CLNK: variants seen among roughly 807,000 people sequenced by gnomAD.
CLNK encodes cytokine dependent hematopoietic cell linker, also known as cytokine-dependent hematopoietic cell linker.
Under a neutral mutation model 68.6 loss-of-function variants are expected in CLNK, and 74 were observed. The observed-to-expected ratio is 1.08, with a 90% CI of 0.89 to 1.31. The LOEUF (loss-of-function observed/expected upper bound fraction) is 1.31, where lower values mean the gene tolerates loss of function less well. Among genes scored for constraint, CLNK ranks in the 50% most tolerant of loss-of-function variants. CLNK has a pLI of 0.00. For synonymous variants in CLNK, 198 were observed against 172.2 expected (o/e 1.15, Z -1.17); for missense variants, 553 against 515.3 (o/e 1.07, Z -0.71).
the CLNK span, among the ~76,000 whole-genome samples, chr4:10,713,338 G>A: frequency 1.4e-4 from 21 of 152,202 alleles, no homozygotes; most frequent in Non-Finnish European, 2.5e-4. Flanking sequence ...AAAAGGATGT[G>A]TGAGTGAGAC....
chr4:10,676,680 T>C (rs1432672959), intron 1 of CLNK, among the ~76,000 whole-genome samples: 2 of 152,152 alleles, frequency 1.3e-5, no homozygotes, highest in Non-Finnish European at 2.9e-5. Context: ...AGAAAGGGTT[T>C]CCTTCCTTTA....
the CLNK span, among the ~76,000 whole-genome samples, chr4:10,714,871 A>C: frequency 1.3e-5 from 2 of 152,166 alleles, no homozygotes; most frequent in Non-Finnish European, 2.9e-5. Context: ...TGGCTAAAGA[A>C]TGTTGAAAAA....
rs1723519792 is a variant in CLNK, at chr4:10,646,575, G to A, written c.11+21284C>T. On this transcript the variant is annotated intron_variant, in intron 2 of 18. Transcript: ENST00000226951. ...CAGTGAAACTGGCCTGTGAAAGACA[G>A]AAATGGAGAAGACAGAAGTGGGCCA... Among the ~76,000 whole-genome samples, 3 of 152,330 alleles carry A rather than the reference G, an allele frequency of 2.0e-5. No homozygotes were observed. In the South Asian group the frequency reaches 6.2e-4, roughly 32 times the overall value.
chr4:10,509,700 A>G (rs1234995976), intron 16 of CLNK, among the ~76,000 whole-genome samples: 1 of 151,928 alleles, frequency 6.6e-6, no homozygotes, highest in Non-Finnish European at 1.5e-5. Context: ...TAATTTTTGT[A>G]TTTTTAGTAG....
intron 16 of CLNK, among the ~76,000 whole-genome samples, chr4:10,512,912 AG>A (rs1322328805): frequency 2.6e-5 from 4 of 152,136 alleles, no homozygotes; most frequent in African/African-American, 9.7e-5. Context: ...AGCATATTTT[AG>A]AAAGAGACCA....
At chr4:10,554,105 A>C (rs1719570129) in intron 8 of CLNK, among the ~76,000 whole-genome samples, 1 of 152,216 alleles carries the variant, frequency 6.6e-6, no homozygotes, top group East Asian at 1.9e-4. Flanking sequence ...ATGCAGGTAT[A>C]GAGGCCGCTA....
chr4:10,573,546 A>G (rs936604307), intron 4 of CLNK, among the ~76,000 whole-genome samples: 1 of 152,170 alleles, frequency 6.6e-6, no homozygotes, highest in Non-Finnish European at 1.5e-5. Flanking sequence ...TCATGAATCG[A>G]GTTAAATTAA....
intron 2 of CLNK, among the ~76,000 whole-genome samples, chr4:10,649,044 G>T (rs1349901303): frequency 6.6e-6 from 1 of 152,150 alleles, no homozygotes; most frequent in African/African-American, 2.4e-5. Flanking sequence ...CTTAATTCAT[G>T]CTCGTTGAAG....
the CLNK span, among the ~76,000 whole-genome samples, chr4:10,715,460 T>C: frequency 1.3e-5 from 2 of 152,216 alleles, no homozygotes; most frequent in Non-Finnish European, 2.9e-5. Context: ...ATAATAGTCT[T>C]TGCCACAATG....
chr4:10,539,142 C>G (rs1181609454), intron 11 of CLNK, among the ~76,000 whole-genome samples: 1 of 152,188 alleles, frequency 6.6e-6, no homozygotes, highest in Non-Finnish European at 1.5e-5. Flanking sequence ...CTAATACAAA[C>G]ACAGACCATT....
chr4:10,651,935 G>T (rs1307369921), intron 2 of CLNK, among the ~76,000 whole-genome samples: 1 of 151,490 alleles, frequency 6.6e-6, no homozygotes, highest in Non-Finnish European at 1.5e-5. Flanking sequence ...GTAAAATGGA[G>T]TTAGAAAAAT....
At chr4:10,668,458 G>A (rs988899375) in intron 1 of CLNK, among the ~76,000 whole-genome samples, 2 of 152,148 alleles carry the variant, frequency 1.3e-5, no homozygotes, top group African/African-American at 4.8e-5. Flanking sequence ...TAAGGGCTTC[G>A]TATCAATGAT....
At chr4:10,507,436 T>TTTA (rs1717352800) in intron 17 of CLNK, among the ~76,000 whole-genome samples, 4 of 142,806 alleles carry the variant, frequency 2.8e-5, no homozygotes, top group East Asian at 4.2e-4. Context: ...TGTTTTCTGT[T>TTTA]TTTATTTATT....
chr4:10,728,579 CCTTTCTTTCTTTCTTT>C, the CLNK span, among the ~76,000 whole-genome samples: 1 of 104,154 alleles, frequency 9.6e-6, no homozygotes, highest in Admixed American at 1.1e-4. Context: ...TGTGATGTAT[CCTTTCTTTCTTTCTTT>C]CTTTCTTTCT....
chr4:10,535,494 A>T (rs1718723989), intron 11 of CLNK, among the ~76,000 whole-genome samples: 1 of 152,174 alleles, frequency 6.6e-6, no homozygotes, highest in African/African-American at 2.4e-5. Context: ...TACATATAAG[A>T]TCCCAAACCG....
At chr4:10,513,119 A>G (rs1001842256) in intron 16 of CLNK, among the ~76,000 whole-genome samples, 1 of 152,144 alleles carries the variant, frequency 6.6e-6, no homozygotes, top group Non-Finnish European at 1.5e-5. Context: ...AAAAAATTGC[A>G]ACCTGTATAT....
At chr4:10,564,935 G>A (rs1720045942) in intron 6 of CLNK, among the ~76,000 whole-genome samples, 158 bp from the exon 7 acceptor site, 1 of 152,180 alleles carries the variant, frequency 6.6e-6, no homozygotes, top group Non-Finnish European at 1.5e-5. Flanking sequence ...ACTGACGTAT[G>A]CAGAGAAGAA....
rs540411546 is a variant in CLNK at position 10,608,840 on chromosome 4, C to A, written c.12-10791G>T. ...TCATAGTTCTGTAGGCTGAAAAGTCCAAAATCAAGCTACCCTTAGAACTGG... is the reference window on the plus strand; with the variant it reads ...TCATAGTTCTGTAGGCTGAAAAGTCAAAAATCAAGCTACCCTTAGAACTGG... On this transcript the variant is annotated intron_variant, in intron 2 of 18. Coordinates refer to ENST00000226951, the MANE Select transcript of CLNK (RefSeq NM_052964.4). Among the ~76,000 whole-genome samples the A allele has an allele frequency of 9.6e-4, 146 of 152,256 alleles. 2 individuals are homozygous for A. The highest frequency in any genetic ancestry group is 3.3e-3 in the African/African-American group (139 of 41,548).
chr4:10,711,527 T>G, the CLNK span, among the ~76,000 whole-genome samples: 1 of 152,234 alleles, frequency 6.6e-6, no homozygotes, highest in African/African-American at 2.4e-5. Flanking sequence ...GTTTTCTTCA[T>G]GGAGTCTTAT....
Sources: gnomAD v4.1 joint callset for allele counts (sites outside exome capture counted in the v4.1 genomes callset) on GRCh38, gnomAD v4.1.1 for gene constraint, MANE v1.5 for transcripts, NCBI Gene and HGNC (gene_info 2026-07-23, HGNC 2026-07-21) for gene names.